The following BNC2 variants were observed in gnomAD, a reference collection of about 807,000 sequenced individuals.
BNC2 encodes zinc finger protein basonuclin-2.
Under a neutral mutation model 76.3 loss-of-function variants are expected in BNC2, and 20 were observed. The ratio of observed to expected loss-of-function variants is 0.26; its 90% CI spans 0.18 to 0.38. The LOEUF is 0.38. Ranked by LOEUF, BNC2 falls within the 10% of genes least tolerant of loss-of-function variation. BNC2 has a pLI of 1.00. For synonymous variants in BNC2, 582 were observed against 514.8 expected (o/e 1.13, Z -1.77); for missense variants, 1,382 against 1,399.8 (o/e 0.99, Z 0.20).
At chr9:16,748,228 A>G (rs1250717489) in intron 1 of BNC2, among the ~76,000 whole-genome samples, 2 of 152,324 alleles carry the variant, frequency 1.3e-5, no homozygotes, top group South Asian at 2.1e-4. Flanking sequence ...GATCTGGCAA[A>G]TAAGTCTGGG....
At chr9:16,519,153 C>T (rs1428777382) in intron 5 of BNC2, among the ~76,000 whole-genome samples, 1 of 152,122 alleles carries the variant, frequency 6.6e-6, no homozygotes, top group Admixed American at 6.6e-5. Context: ...AAATATAACC[C>T]AGTAGTGTCT....
intron 1 of BNC2, among the ~76,000 whole-genome samples, chr9:16,831,878 G>T (rs961824233): frequency 2.6e-5 from 4 of 152,120 alleles, no homozygotes; most frequent in African/African-American, 9.7e-5. Flanking sequence ...GCAAATAATG[G>T]CAATGGTTAT....
intron 1 of BNC2, among the ~76,000 whole-genome samples, chr9:16,777,347 A>C (rs1825996942): frequency 6.6e-6 from 1 of 152,064 alleles, no homozygotes; most frequent in Non-Finnish European, 1.5e-5. Flanking sequence ...GACCTGTGAA[A>C]AACATGAGGA....
At chr9:16,535,825 T>TA (rs1464526310) in intron 5 of BNC2, among the ~76,000 whole-genome samples, 1 of 152,192 alleles carries the variant, frequency 6.6e-6, no homozygotes, top group Non-Finnish European at 1.5e-5. Flanking sequence ...ATGAAGCAAG[T>TA]AGACACTTTA....
intron 5 of BNC2, among the ~76,000 whole-genome samples, chr9:16,451,375 A>C (rs1373799872): frequency 6.6e-6 from 1 of 152,154 alleles, no homozygotes; most frequent in Non-Finnish European, 1.5e-5. Flanking sequence ...CACTTTCTAC[A>C]CACTTTCATC....
At chr9:16,518,091 G>A (rs898767774) in intron 5 of BNC2, among the ~76,000 whole-genome samples, 8 of 152,042 alleles carry the variant, frequency 5.3e-5, no homozygotes, top group Non-Finnish European at 1.0e-4. Context: ...TATATACTTC[G>A]GTGTAGCTTG....
At chr9:16,465,058 G>T (rs1248905906) in intron 5 of BNC2, among the ~76,000 whole-genome samples, 1 of 152,126 alleles carries the variant, frequency 6.6e-6, no homozygotes, top group East Asian at 1.9e-4. Context: ...CTGTCTTCCA[G>T]AAGAGTAGTC....
At chr9:16,570,046 C>T (rs1432862470) in intron 4 of BNC2, among the ~76,000 whole-genome samples, 1 of 152,100 alleles carries the variant, frequency 6.6e-6, no homozygotes, top group African/African-American at 2.4e-5. Context: ...AATACGAATT[C>T]TTCTGTAAGA....
intron 1 of BNC2, among the ~76,000 whole-genome samples, chr9:16,754,580 C>T (rs1032669863): frequency 6.6e-6 from 1 of 151,410 alleles, no homozygotes; most frequent in Non-Finnish European, 1.5e-5. Flanking sequence ...TTTCTTGAGA[C>T]AGAGTCTCGC....
chr9:16,832,857 C>T (rs1818613225), intron 1 of BNC2, among the ~76,000 whole-genome samples: 1 of 152,046 alleles, frequency 6.6e-6, no homozygotes, highest in Non-Finnish European at 1.5e-5. Context: ...TGCCGAGTAG[C>T]TGGGACTACA....
At chr9:16,727,687 C>T in intron 3 of BNC2, 110 bp downstream of exon 3, 2 of 938,410 alleles carry the variant, frequency 2.1e-6, no homozygotes, top group Middle Eastern at 3.4e-4. Context: ...AGGAAGTGAC[C>T]ACATTTTAAA....
chr9:16,436,281 A>G lies in BNC2; in HGVS notation c.1913T>C (p.Met638Thr). 2 of 1,614,136 alleles carry G rather than the reference A, an allele frequency of 1.2e-6. No homozygotes were observed. Among genetic ancestry groups the G allele is most frequent in the Admixed American group, 1.7e-5 (1 of 60,014 alleles). Residue 638 changes from methionine to threonine, a missense_variant, in exon 6 of 7, where the codon ATG (methionine) becomes ACG (threonine). By Grantham distance (81) the Met-to-Thr change is moderately conservative. This residue lies in a region of BNC2 where 798 missense variants were observed against 775.5 expected (regional missense o/e 1.03). Coordinates refer to ENST00000380672, the MANE Select transcript of BNC2 (RefSeq NM_017637.6). The part of the protein sequence containing the change: ...APKKKPRKSS[M>T]PVKIEKEIID... ...AATTTCCTTCTCAATCTTCACAGGC[A>G]TGCTTGACTTCCTGGGCTTTTTCTT...
intron 3 of BNC2, among the ~76,000 whole-genome samples, chr9:16,671,666 A>C (rs906297189): frequency 6.6e-6 from 1 of 152,186 alleles, no homozygotes; most frequent in Non-Finnish European, 1.5e-5. Context: ...ATGAGATTTG[A>C]GAAGCAGGCT....
At position 16,805,996 on chromosome 9, in the gene BNC2, T is replaced by A. The variant is rs1197921405; in HGVS notation, c.3+64650A>T. 5.3e-5 allele frequency among the ~76,000 whole-genome samples: 8 copies of A among 152,242 alleles called. No individual in the cohort carries two copies. In the East Asian group the frequency reaches 1.2e-3, roughly 22 times the overall value. On this transcript the variant is annotated intron_variant, in intron 1 of 6. Coordinates refer to ENST00000380672, the MANE Select transcript of BNC2 (RefSeq NM_017637.6). Reference sequence around the variant, plus strand: ...CAGTACAAATGATTTGCTTCCCCAATGAAGCAGAGAGAAGCAATGCCCTTA... The same window carrying A: ...CAGTACAAATGATTTGCTTCCCCAAAGAAGCAGAGAGAAGCAATGCCCTTA...
At chr9:16,542,393 G>C (rs1475999750) in intron 5 of BNC2, among the ~76,000 whole-genome samples, 1 of 152,124 alleles carries the variant, frequency 6.6e-6, no homozygotes, top group African/African-American at 2.4e-5. Flanking sequence ...GAGAGAAGAA[G>C]ATGGGGGAGG....
chr9:16,431,820 G>A (rs1358154120), intron 6 of BNC2, among the ~76,000 whole-genome samples: 2 of 152,098 alleles, frequency 1.3e-5, no homozygotes, highest in Admixed American at 1.3e-4. Flanking sequence ...TAAGGAGTAC[G>A]CAGCCTAGAT....
At chr9:16,794,229 G>A (rs764453585) in intron 1 of BNC2, among the ~76,000 whole-genome samples, 1 of 152,170 alleles carries the variant, frequency 6.6e-6, no homozygotes, top group Non-Finnish European at 1.5e-5. Context: ...TTTTATTCCA[G>A]ATGGGAAACT....
At chr9:16,606,593 C>T (rs927677448) in intron 3 of BNC2, among the ~76,000 whole-genome samples, 5 of 150,292 alleles carry the variant, frequency 3.3e-5, no homozygotes, top group Non-Finnish European at 3.0e-5. Context: ...AGTGAAGTGG[C>T]GCAATCTCAG....
chr9:16,859,056 T>C (rs1819332859), intron 1 of BNC2, among the ~76,000 whole-genome samples: 1 of 151,626 alleles, frequency 6.6e-6, no homozygotes, highest in African/African-American at 2.4e-5. Flanking sequence ...AATAGATATG[T>C]CCACAAAGAG....
Sources: allele counts gnomAD v4.1 joint callset (sites outside exome capture counted in the v4.1 genomes callset), GRCh38; gene constraint gnomAD v4.1.1; regional missense constraint gnomAD v4.1.1; transcripts MANE v1.5; gene names NCBI Gene and HGNC (gene_info 2026-07-23, HGNC 2026-07-21).